The following APTX variants were observed in gnomAD, a reference collection of about 807,000 sequenced individuals.
APTX encodes aprataxin.
In APTX, 33 loss-of-function variants were observed where a neutral mutation model predicts 42.3. That is an observed-to-expected ratio of 0.78 (90% CI 0.59 to 1.04). The LOEUF (loss-of-function observed/expected upper bound fraction) is 1.04. APTX is among the 50% of genes least tolerant of loss of function. The pLI is 0.00. For synonymous variants in APTX, 130 were observed against 146.7 expected (o/e 0.89, Z 0.82); for missense variants, 421 against 415.1 (o/e 1.01, Z -0.12).
At chr9:32,979,597 G>C (rs1587389733) in intron 6 of APTX, 1 of 154,956 alleles carries the variant, frequency 6.5e-6, no homozygotes, top group Non-Finnish European at 1.5e-5. Flanking sequence ...TACAGACAAC[G>C]AATGTTATCA....
Position 32,986,225 on chromosome 9 carries a change from T to G in APTX, c.484-195A>C, listed in dbSNP as rs1832091952. 12 of 720,406 alleles carry G rather than the reference T, an allele frequency of 1.7e-5. No individual in the cohort carries two copies. The East Asian group carries it at 3.1e-4, about 19-fold the overall frequency. The allele number at this position is 720,406 out of a possible 1,614,324, so 44.6% of individuals were successfully genotyped here. A position where few individuals can be genotyped will look rare whatever the true frequency, so the allele number is the denominator to read the frequency against. Reference sequence around the variant, plus strand: ...TCCATTGCCTTCCTATATTCTCTTTTTTTTTGAGACAAAGTCTCACTCTGT... The same window carrying G: ...TCCATTGCCTTCCTATATTCTCTTTGTTTTTGAGACAAAGTCTCACTCTGT... On this transcript the variant is annotated intron_variant, in intron 4 of 7. Coordinates refer to ENST00000379817, the MANE Select transcript of APTX (RefSeq NM_001195248.2).
At chr9:33,024,046 CTCTGA>C (rs1312075652) in intron 1 of APTX, among the ~76,000 whole-genome samples, 2 of 152,244 alleles carry the variant, frequency 1.3e-5, no homozygotes, top group East Asian at 1.9e-4. Flanking sequence ...AAGAAATTCT[CTCTGA>C]TCTATCAGGT....
chr9:33,007,208 C>G (rs10971300), intron 1 of APTX, among the ~76,000 whole-genome samples: 10,693 of 151,970 alleles, frequency 0.07, 507 homozygotes, highest in Non-Finnish European at 0.11. Context: ...TTTAGAGTTG[C>G]TAGAAGTCCA....
chr9:32,980,770 T>C (rs1295224978), intron 6 of APTX, among the ~76,000 whole-genome samples: 1 of 152,226 alleles, frequency 6.6e-6, no homozygotes, highest in Non-Finnish European at 1.5e-5. Flanking sequence ...ATGGGCTGCA[T>C]GTTGCTTTGG....
Position 33,018,422 on chromosome 9 carries a change from G to A in APTX, c.-5+6601C>T, listed in dbSNP as rs1021561749. ...GTCTCTACTAAAAATACAAAAATTA[G>A]CCAGACGTGGTGGCAGGTACCTGTA... On this transcript the variant is annotated intron_variant, in intron 1 of 6. Coordinates refer to the APTX transcript ENST00000436040. Among the ~76,000 whole-genome samples the A allele has an allele frequency of 4.0e-5, 6 of 150,228 alleles. No individual in the cohort carries two copies. In the East Asian group the frequency reaches 1.0e-3, roughly 25 times the overall value.
intron 2 of APTX, among the ~76,000 whole-genome samples, chr9:32,988,734 TC>T (rs1832831167): frequency 6.9e-6 from 1 of 144,966 alleles, no homozygotes. Context: ...TCACACGAAC[TC>T]TTGACCAAGG....
intron 1 of APTX, chr9:33,020,083 C>A (rs776899902): frequency 7.8e-6 from 3 of 387,018 alleles, no homozygotes; most frequent in South Asian, 1.2e-4. Flanking sequence ...ATCACCCTAG[C>A]CATCCCCGCA....
At chr9:33,001,442 AGAGCAGCGC>A in intron 1 of APTX, 116 bp downstream of exon 1, 2 of 1,562,538 alleles carry the variant, frequency 1.3e-6, no homozygotes, top group East Asian at 2.4e-5. Context: ...AGCAGCCGTG[AGAGCAGCGC>A]ATGAAAGCAG....
At chr9:32,976,245 G>C (rs879402863) in intron 6 of APTX, among the ~76,000 whole-genome samples, 3 of 151,906 alleles carry the variant, frequency 2.0e-5, no homozygotes, top group Non-Finnish European at 4.4e-5. Context: ...GGGGGGCTCG[G>C]GGAGGGACAA....
In APTX at chr9:32,977,951, T is replaced by C. The variant is rs944722649; in HGVS notation, c.771-3390A>G. 1.1e-4 allele frequency among the ~76,000 whole-genome samples: 17 copies of C among 152,228 alleles called. 1 individual carries two copies. Among genetic ancestry groups the C allele is most frequent in the Admixed American group, 9.8e-4 (15 of 15,280 alleles). ...AAAAACAAGGACTAACCCAAGTGTG[T>C]TGCTTTAAAAATCTAATTTGTAGGA... On this transcript the variant is annotated intron_variant, in intron 6 of 7. Transcript: ENST00000379817.
At chr9:33,012,068 GCTGT>G (rs544242838) in intron 1 of APTX, among the ~76,000 whole-genome samples, 20 of 152,070 alleles carry the variant, frequency 1.3e-4, no homozygotes, top group South Asian at 1.2e-3. Flanking sequence ...CAAAGCTCCA[GCTGT>G]CTATGTGAAA....
chr9:32,975,988 T>C (rs1829296463), intron 6 of APTX, among the ~76,000 whole-genome samples: 2 of 152,318 alleles, frequency 1.3e-5, no homozygotes, highest in South Asian at 4.1e-4. Context: ...GTAAGTGTAC[T>C]CCAAGCGTAC....
chr9:33,008,923 G>C (rs1837346401), intron 1 of APTX, among the ~76,000 whole-genome samples: 2 of 152,172 alleles, frequency 1.3e-5, no homozygotes, highest in African/African-American at 2.4e-5. Context: ...CAGTTGAGCA[G>C]TTCTGTTCTA....
chr9:32,989,665 A>G, intron 2 of APTX, 94 bp downstream of exon 2: 5 of 1,591,114 alleles, frequency 3.1e-6, no homozygotes, highest in Non-Finnish European at 4.3e-6. Flanking sequence ...GGCAGACAAT[A>G]GATTTTCCAT....
chr9:32,986,054 A>AAT (rs1563964008), intron 4 of APTX, 24 bp from the exon 5 acceptor site: 1 of 662,754 alleles, frequency 1.5e-6, no homozygotes, highest in East Asian at 3.2e-5. Context: ...AAAAAAAAAA[A>AAT]CAAAAAAAAA....
chr9:32,985,816 C>CA (rs1487529862), intron 5 of APTX, among the ~76,000 whole-genome samples, 155 bp downstream of exon 5: 1 of 152,002 alleles, frequency 6.6e-6, no homozygotes, highest in Non-Finnish European at 1.5e-5. Context: ...ACTTTATTGC[C>CA]AATGTGAAAA....
At position 33,019,784 on chromosome 9, in the gene APTX, C is replaced by T. The variant is rs868659598; in HGVS notation, c.-5+5239G>A. The T allele has an allele frequency of 4.8e-5, 29 of 603,420 alleles. No individual in the cohort carries two copies. In the Middle Eastern group the frequency reaches 2.9e-3, roughly 61 times the overall value. The allele number at this position is 603,420 out of a possible 1,614,324, so 37.4% of individuals were successfully genotyped here. ...GTCGAGAAAGTTGATAAGGGAAATTCGGAGCAGGCAACAGTCTTCAGCTTT... is the reference window on the plus strand; with the variant it reads ...GTCGAGAAAGTTGATAAGGGAAATTTGGAGCAGGCAACAGTCTTCAGCTTT... On this transcript the variant is annotated intron_variant, in intron 1 of 6. Coordinates refer to the APTX transcript ENST00000436040.
chr9:32,987,533 ACTACCCTCAC>A lies in APTX; in HGVS notation c.483+1_483+10del. Reference sequence around the variant, plus strand: ...CTTCTCCACATCATCTACCAATCACACTACCCTCACCTTTTTGATAGGTGCATCTTTTCCC... The same window carrying A: ...CTTCTCCACATCATCTACCAATCACACTTTTTGATAGGTGCATCTTTTCCC... On this transcript the variant is annotated splice_donor_variant and splice_donor_5th_base_variant and intron_variant, in intron 4 of 7. Transcript: ENST00000379817. LOFTEE classifies it high-confidence loss of function. 6.2e-7 allele frequency: 1 copy of A among 1,613,310 alleles called. No homozygotes were observed. The highest frequency in any genetic ancestry group is 8.5e-7 in the Non-Finnish European group (1 of 1,180,022).
intron 1 of APTX, among the ~76,000 whole-genome samples, chr9:33,021,460 G>A (rs1240477799): frequency 6.6e-6 from 1 of 152,008 alleles, no homozygotes; most frequent in Non-Finnish European, 1.5e-5. Flanking sequence ...AAAAATACAA[G>A]GAATATTCTA....
Sources: gnomAD v4.1 joint callset for allele counts (sites outside exome capture counted in the v4.1 genomes callset) on GRCh38, gnomAD v4.1.1 for gene constraint, MANE v1.5 for transcripts, NCBI Gene and HGNC (gene_info 2026-07-23, HGNC 2026-07-21) for gene names.